The following CHL1 variants were observed in gnomAD, a reference collection of about 807,000 sequenced individuals.
CHL1 encodes neural cell adhesion molecule L1-like protein.
A neutral mutation model predicts 141.9 loss-of-function variants in CHL1; 96 were observed. The ratio of observed to expected loss-of-function variants is 0.68; its 90% confidence interval spans 0.57 to 0.80. The LOEUF (loss-of-function observed/expected upper bound fraction) is 0.80, where lower values mean the gene tolerates loss of function less well. Among genes scored for constraint, CHL1 ranks in the 30% least tolerant of loss-of-function variants. The pLI is 0.00. For missense variants in CHL1, 1,820 were observed against 1,457.2 expected (o/e 1.25, Z -4.05); for synonymous variants, 613 against 502.2 (o/e 1.22, Z -2.95).
intron 2 of CHL1, among the ~76,000 whole-genome samples, chr3:258,131 A>G (rs963611892): frequency 1.3e-5 from 2 of 152,224 alleles, no homozygotes; most frequent in African/African-American, 4.8e-5. Flanking sequence ...GGCCAACTGC[A>G]TCAATTTAAA....
At chr3:316,131 C>T (rs976174233) in intron 2 of CHL1, among the ~76,000 whole-genome samples, 4 of 152,058 alleles carry the variant, frequency 2.6e-5, no homozygotes, top group African/African-American at 9.7e-5. Flanking sequence ...ATCTTGTCTG[C>T]TCCTTACTGT....
At chr3:366,246 G>A in intron 15 of CHL1, 131 bp downstream of exon 15, 1 of 790,160 alleles carries the variant, frequency 1.3e-6, no homozygotes. Context: ...CGAGGCGAGT[G>A]GATCACTTGA....
chr3:339,902 T>C (rs1702228510), intron 5 of CHL1, among the ~76,000 whole-genome samples: 1 of 152,212 alleles, frequency 6.6e-6, no homozygotes, highest in African/African-American at 2.4e-5. Flanking sequence ...TTGGGACTGT[T>C]ATAACTGCCT....
chr3:391,058 C>A lies in CHL1; in HGVS notation c.2690C>A (p.Ser897Tyr), dbSNP rs137976061. ...CAAAGAAACTCTGGAATGGTTCCTT[C>A]CTTAGATGCCTTTAGTGAATTTCAT... is the stretch of plus-strand genomic sequence containing the variant. ...SGQRNSGMVPSLDAFSEFHLT... is the reference protein window; with the variant it reads ...SGQRNSGMVPYLDAFSEFHLT... The change falls in exon 22 of 28, where the codon TCC (serine) becomes TAC (tyrosine). Residue 897 changes from serine (S) to tyrosine (Y), a missense_variant. Ser to Tyr is a moderately radical substitution (Grantham distance 144, BLOSUM62 -2). Transcript: ENST00000256509. The A allele has an allele frequency of 6.2e-7, 1 of 1,613,732 alleles. No homozygotes were observed. The highest frequency in any genetic ancestry group is 1.1e-5 in the South Asian group (1 of 91,072).
At position 341,909 on chromosome 3, in the gene CHL1, C is replaced by T. The variant is rs1267737585; in HGVS notation, c.509-3C>T. 1 of 1,571,050 alleles carries T rather than the reference C, an allele frequency of 6.4e-7. No individual in the cohort carries two copies. The highest frequency in any genetic ancestry group is 8.7e-7 in the Non-Finnish European group (1 of 1,150,344). ...TTTTCAATGGCAAGATATCTCTTTT[C>T]AGAATTAGAACACATCGAACAAGAT... On this transcript the variant is annotated splice_region_variant and splice_polypyrimidine_tract_variant and intron_variant, in intron 6 of 27. Transcript: ENST00000256509.
chr3:381,136 G>A (rs1426303080), intron 16 of CHL1, among the ~76,000 whole-genome samples: 1 of 152,108 alleles, frequency 6.6e-6, no homozygotes, highest in Non-Finnish European at 1.5e-5. Flanking sequence ...ACTCCTAAAA[G>A]AATTCTGATG....
chr3:313,438 C>A (rs886113818), intron 2 of CHL1, among the ~76,000 whole-genome samples: 2 of 151,962 alleles, frequency 1.3e-5, no homozygotes, highest in Admixed American at 1.3e-4. Context: ...TAAATTCCAG[C>A]ATATAAATTT....
intron 2 of CHL1, among the ~76,000 whole-genome samples, chr3:305,441 T>C (rs1699139454): frequency 1.3e-5 from 2 of 152,048 alleles, no homozygotes; most frequent in Admixed American, 1.3e-4. Flanking sequence ...GCATTACTGA[T>C]AGTGACCTCT....
intron 2 of CHL1, among the ~76,000 whole-genome samples, chr3:283,892 G>T (rs1027363696): frequency 6.6e-6 from 1 of 152,210 alleles, no homozygotes; most frequent in South Asian, 2.1e-4. Context: ...TTTTATCACA[G>T]TATGTATGAT....
At chr3:397,300 T>A (rs57953394) in intron 24 of CHL1, among the ~76,000 whole-genome samples, 1,527 of 152,210 alleles carry the variant, frequency 0.01, 18 homozygotes, top group Middle Eastern at 0.027. Flanking sequence ...TCTCTCATGG[T>A]GTCATTTTTA....
intron 2 of CHL1, among the ~76,000 whole-genome samples, chr3:292,567 A>G (rs1005435164): frequency 3.3e-5 from 5 of 152,192 alleles, no homozygotes; most frequent in African/African-American, 1.2e-4. Flanking sequence ...AAAAATTGCT[A>G]TCTTATTCAC....
At chr3:340,622 C>T (rs1702274859) in intron 5 of CHL1, among the ~76,000 whole-genome samples, 172 bp from the exon 6 acceptor site, 1 of 151,992 alleles carries the variant, frequency 6.6e-6, no homozygotes, top group South Asian at 2.1e-4. Context: ...TAAAGATGCA[C>T]ACCAGTTTCT....
At chr3:374,220 C>G (rs1004714256) in intron 15 of CHL1, among the ~76,000 whole-genome samples, 1 of 151,936 alleles carries the variant, frequency 6.6e-6, no homozygotes, top group Non-Finnish European at 1.5e-5. Flanking sequence ...CCCCTCCTTC[C>G]GATATATACA....
chr3:239,918 G>A (rs569527029), intron 1 of CHL1, among the ~76,000 whole-genome samples: 12 of 152,128 alleles, frequency 7.9e-5, no homozygotes, highest in African/African-American at 2.7e-4. Context: ...CTGTGAATGC[G>A]GTTAATTTCC....
intron 2 of CHL1, among the ~76,000 whole-genome samples, chr3:310,351 T>A (rs1699656267): frequency 6.6e-6 from 1 of 152,128 alleles, no homozygotes; most frequent in Non-Finnish European, 1.5e-5. Context: ...GATGCTCACT[T>A]GAGCCAAGAG....
intron 2 of CHL1, among the ~76,000 whole-genome samples, chr3:260,646 G>C (rs947711658): frequency 6.6e-6 from 1 of 152,116 alleles, no homozygotes; most frequent in African/African-American, 2.4e-5. Flanking sequence ...ATTTCAAAAA[G>C]CTACCAAATT....
At chr3:305,597 G>A (rs1042788702) in intron 2 of CHL1, among the ~76,000 whole-genome samples, 2 of 151,484 alleles carry the variant, frequency 1.3e-5, no homozygotes, top group African/African-American at 4.8e-5. Flanking sequence ...TTGTTCTATA[G>A]ATAACACCCT....
intron 27 of CHL1, among the ~76,000 whole-genome samples, chr3:402,046 C>CAATGCAACCACAAA (rs1218061898): frequency 1.6e-4 from 24 of 152,346 alleles, no homozygotes; most frequent in African/African-American, 3.4e-4. Flanking sequence ...ACACGCATAT[C>CAATGCAACCACAAA]TGTATACCTA....
chr3:389,312 C>G lies in CHL1; in HGVS notation c.2308C>G (p.Gln770Glu). ...AGAGTACAGAGTGACCTGGAAGCCA[C>G]AGGGAGCCCCAGTGGAGTGGGAAGA... ...GLEYRVTWKP[Q>E]GAPVEWEEET... The change falls in exon 20 of 28, where the codon CAG becomes GAG. Residue 770 changes from glutamine to glutamate, a missense_variant. Physicochemically the swap from Gln to Glu is conservative, Grantham distance 29. Coordinates refer to ENST00000256509, the MANE Select transcript of CHL1 (RefSeq NM_006614.4). 1 of 1,614,148 alleles carries G rather than the reference C, an allele frequency of 6.2e-7. No individual in the cohort carries two copies. Among genetic ancestry groups the G allele is most frequent in the Non-Finnish European group, 8.5e-7 (1 of 1,180,026 alleles).
Sources: gnomAD v4.1 joint callset for allele counts (sites outside exome capture counted in the v4.1 genomes callset) on GRCh38, gnomAD v4.1.1 for gene constraint, MANE v1.5 for transcripts, NCBI Gene and HGNC (gene_info 2026-07-23, HGNC 2026-07-21) for gene names.